PRKCH: variants seen among roughly 807,000 people sequenced by gnomAD.
The protein encoded by PRKCH is protein kinase C eta type.
A neutral mutation model predicts 82.5 loss-of-function variants in PRKCH; 28 were observed. The observed-to-expected ratio is 0.34, with a 90% confidence interval of 0.25 to 0.47. The LOEUF (loss-of-function observed/expected upper bound fraction) is 0.47, where lower values mean the gene tolerates loss of function less well. Among genes scored for constraint, PRKCH ranks in the 20% least tolerant of loss-of-function variants. The pLI is 1.00. For missense variants in PRKCH, 705 were observed against 881.8 expected, an observed-to-expected ratio of 0.80 and a Z score of 2.54; for synonymous variants, 322 against 327.4, an observed-to-expected ratio of 0.98 and a Z score of 0.18.
At chr14:61,318,231 C>G (rs1005339812), upstream of PRKCH, among the ~76,000 whole-genome samples, 11 of 151,972 alleles carry the variant, frequency 7.2e-5, no homozygotes, top group Non-Finnish European at 1.6e-4. Context: ...TGCCACCACG[C>G]CTGGCTAATT....
chr14:61,414,303 C>T (rs1403946010), intron 2 of PRKCH, among the ~76,000 whole-genome samples: 4 of 149,004 alleles, frequency 2.7e-5, no homozygotes, highest in Non-Finnish European at 5.9e-5. Flanking sequence ...AATGGAGTCT[C>T]ACTCTGTCAC....
At chr14:61,325,909 TCTCAGTATGTTC>T (rs1031266173) in intron 1 of PRKCH, among the ~76,000 whole-genome samples, 1 of 152,088 alleles carries the variant, frequency 6.6e-6, no homozygotes, top group Non-Finnish European at 1.5e-5. Flanking sequence ...CAAAATGAGA[TCTCAGTATGTTC>T]CCACTAGAAA....
intron 1 of PRKCH, among the ~76,000 whole-genome samples, chr14:61,236,333 G>T (rs770202920): frequency 1.3e-5 from 2 of 152,152 alleles, no homozygotes; most frequent in Non-Finnish European, 2.9e-5. Flanking sequence ...GATGGTTAAG[G>T]CATTCTAAGT....
At position 61,247,291 on chromosome 14, in the gene PRKCH, G is replaced by A. The variant is rs569047140; in HGVS notation, c.-19+59623G>A. On this transcript the variant is annotated intron_variant, in intron 1 of 3. Transcript: ENST00000555185. ...CTTTTTTTTTTTTTAAACTCTGTAG[G>A]AACACAACGTATACAGATACTTCAT... 4.6e-5 allele frequency among the ~76,000 whole-genome samples: 7 copies of A among 151,582 alleles called. No homozygotes were observed. The South Asian group carries it at 1.5e-3, about 32-fold the overall frequency.
chr14:61,366,418 G>A (rs1185191479), intron 1 of PRKCH, among the ~76,000 whole-genome samples: 3 of 152,052 alleles, frequency 2.0e-5, no homozygotes, highest in Non-Finnish European at 4.4e-5. Flanking sequence ...ATTTCCTTGA[G>A]CAAAGATAAT....
At chr14:61,487,980 T>C (rs1274595152) in intron 10 of PRKCH, among the ~76,000 whole-genome samples, 1 of 152,034 alleles carries the variant, frequency 6.6e-6, no homozygotes, top group East Asian at 1.9e-4. Context: ...CCTGAAACCC[T>C]GTCTCTACTA....
intron 1 of PRKCH, among the ~76,000 whole-genome samples, chr14:61,302,269 G>A (rs2045453667): frequency 6.6e-6 from 1 of 152,178 alleles, no homozygotes; most frequent in Non-Finnish European, 1.5e-5. Flanking sequence ...AGGCTGTGAA[G>A]CATATAGCAT....
At chr14:61,192,858 A>T (rs1028600991) in intron 1 of PRKCH, among the ~76,000 whole-genome samples, 2 of 152,204 alleles carry the variant, frequency 1.3e-5, no homozygotes, top group Non-Finnish European at 2.9e-5. Flanking sequence ...TCCTTTTAAA[A>T]TATTGGCTTT....
At chr14:61,380,467 G>A (rs529214774) in intron 1 of PRKCH, among the ~76,000 whole-genome samples, 3 of 152,240 alleles carry the variant, frequency 2.0e-5, no homozygotes, top group Admixed American at 6.6e-5. Flanking sequence ...GGTTTCCAGA[G>A]AGGACATTTG....
Position 61,280,953 on chromosome 14 carries a change from G to A in PRKCH, c.-19+93285G>A, listed in dbSNP as rs764192272. On this transcript the variant is annotated intron_variant, in intron 1 of 3. Coordinates refer to the PRKCH transcript ENST00000555185. The surrounding 1 kb of genome is among the most constrained non-coding windows in gnomAD (Gnocchi z 5.0). ...CGGTGCCCGGGTCGCCTGTATAGTCGTACTCCAGCTCCTTGATGCCGTTGG... is the reference window on the plus strand; with the variant it reads ...CGGTGCCCGGGTCGCCTGTATAGTCATACTCCAGCTCCTTGATGCCGTTGG... 3.9e-6 allele frequency: 6 copies of A among 1,543,110 alleles called. No individual in the cohort carries two copies. The African/African-American group carries it at 6.8e-5, about 18-fold the overall frequency.
chr14:61,366,080 G>A (rs934500874), intron 1 of PRKCH, among the ~76,000 whole-genome samples: 1 of 152,014 alleles, frequency 6.6e-6, no homozygotes, highest in African/African-American at 2.4e-5. Context: ...ATGATGATGT[G>A]TTACCTCCCA....
intron 1 of PRKCH, among the ~76,000 whole-genome samples, chr14:61,291,386 G>C: frequency 7.6e-6 from 1 of 131,060 alleles, no homozygotes. Context: ...CTGGAGTGCA[G>C]TGGTGCCATT....
At chr14:61,268,665 C>G (rs1347023270) in intron 1 of PRKCH, among the ~76,000 whole-genome samples, 1 of 151,998 alleles carries the variant, frequency 6.6e-6, no homozygotes, top group Non-Finnish European at 1.5e-5. Context: ...AAGACGCTGC[C>G]CCCTGCCAAA....
chr14:61,357,213 T>G (rs753180574), intron 1 of PRKCH, among the ~76,000 whole-genome samples: 1 of 152,214 alleles, frequency 6.6e-6, no homozygotes, highest in African/African-American at 2.4e-5. Context: ...GGCAGGTTGG[T>G]GCTGCCCGTT....
At chr14:61,305,423 C>G (rs1013278839) in intron 1 of PRKCH, 3 of 152,190 alleles carry the variant, frequency 2.0e-5, no homozygotes, top group Non-Finnish European at 4.4e-5. Flanking sequence ...CTCAGCCTCC[C>G]AAAGTGTTGG....
At chr14:61,466,042 A>G (rs1021359872) in intron 9 of PRKCH, among the ~76,000 whole-genome samples, 3 of 152,196 alleles carry the variant, frequency 2.0e-5, no homozygotes, top group African/African-American at 7.2e-5. Flanking sequence ...GGTTATGATG[A>G]TGAACAGTCT....
At chr14:61,237,725 C>T (rs2044803119) in intron 1 of PRKCH, among the ~76,000 whole-genome samples, 1 of 152,192 alleles carries the variant, frequency 6.6e-6, no homozygotes, top group African/African-American at 2.4e-5. Context: ...CAGTTGTCCC[C>T]CTTTTCCTGA....
intron 1 of PRKCH, among the ~76,000 whole-genome samples, chr14:61,275,017 T>C (rs938144791): frequency 7.2e-5 from 11 of 152,218 alleles, no homozygotes; most frequent in African/African-American, 2.2e-4. Context: ...ATGAAAAGAA[T>C]AGAAGCTGTT....
intron 2 of PRKCH, among the ~76,000 whole-genome samples, chr14:61,436,441 A>C (rs1260677851): frequency 1.8e-4 from 2 of 11,308 alleles, no homozygotes; most frequent in Middle Eastern, 0.1. Context: ...CTGAGTTTGG[A>C]AATAACTATG....
Sources: allele counts gnomAD v4.1 joint callset (sites outside exome capture counted in the v4.1 genomes callset), GRCh38; gene constraint gnomAD v4.1.1; non-coding constraint Gnocchi (gnomAD v3.1); transcripts MANE v1.5; gene names NCBI Gene and HGNC (gene_info 2026-07-23, HGNC 2026-07-21).